ANKRD6: variants seen among roughly 807,000 people sequenced by gnomAD.
The protein encoded by ANKRD6 is ankyrin repeat domain-containing protein 6.
Under a neutral mutation model 82.3 loss-of-function variants are expected in ANKRD6, and 56 were observed. The observed-to-expected ratio is 0.68, with a 90% CI of 0.55 to 0.85. The LOEUF is 0.85. Ranked by LOEUF, ANKRD6 falls within the 40% of genes least tolerant of loss-of-function variation. The probability of loss-of-function intolerance (pLI) is 0.00; values close to 1 mark genes in which losing one functional copy is unlikely to be tolerated. For missense variants in ANKRD6, 852 were observed against 907.6 expected (o/e 0.94, Z 0.79); for synonymous variants, 347 against 352.1 (o/e 0.99, Z 0.16).
rs940506735 is a variant in ANKRD6, at chr6:89,503,182, T to C, written c.-143-63652T>C. ...TGATGAGCTTTTTGCATTAGGCTAG[T>C]GGGTGGGTCTGATGCTTTTTGGCTG... On this transcript the variant is annotated intron_variant, in intron 1 of 15. Coordinates refer to ENST00000339746, the MANE Select transcript of ANKRD6 (RefSeq NM_001242809.2). 1.6e-4 allele frequency among the ~76,000 whole-genome samples: 24 copies of C among 152,186 alleles called. No homozygotes were observed. The South Asian group carries it at 5.0e-3, about 32-fold the overall frequency.
chr6:89,596,440 A>C (rs975428145), intron 3 of ANKRD6, among the ~76,000 whole-genome samples: 1 of 152,086 alleles, frequency 6.6e-6, no homozygotes, highest in Non-Finnish European at 1.5e-5. Context: ...TAAAAACTTA[A>C]TTTTTTTCTC....
intron 1 of ANKRD6, among the ~76,000 whole-genome samples, chr6:89,435,852 A>G (rs1770576128): frequency 6.6e-6 from 1 of 152,232 alleles, no homozygotes; most frequent in Admixed American, 6.5e-5. Flanking sequence ...AAATGGTTTT[A>G]ACAACCCAAA....
At chr6:89,627,759 G>A in intron 14 of ANKRD6, 63 bp downstream of exon 14, 1 of 1,489,288 alleles carries the variant, frequency 6.7e-7, no homozygotes, top group Non-Finnish European at 9.3e-7. Flanking sequence ...CTGAGCTCAG[G>A]CAGGCCTGCC....
chr6:89,512,324 G>T (rs1780650919), intron 1 of ANKRD6, among the ~76,000 whole-genome samples: 1 of 152,232 alleles, frequency 6.6e-6, no homozygotes, highest in Non-Finnish European at 1.5e-5. Context: ...CAGTAGAGAG[G>T]TTGGGTCTCC....
intron 8 of ANKRD6, among the ~76,000 whole-genome samples, chr6:89,617,314 T>A (rs761981663): frequency 2.0e-5 from 3 of 152,132 alleles, no homozygotes; most frequent in Non-Finnish European, 4.4e-5. Context: ...CTAGCTCCCC[T>A]CTTTCTCCTC....
At chr6:89,535,909 C>T (rs1783764513) in intron 1 of ANKRD6, among the ~76,000 whole-genome samples, 3 of 152,164 alleles carry the variant, frequency 2.0e-5, no homozygotes, top group Admixed American at 2.0e-4. Flanking sequence ...AGGGCCAATC[C>T]CTTGGGTTGT....
intron 13 of ANKRD6, 150 bp downstream of exon 13, chr6:89,624,841 T>C: frequency 1.2e-6 from 1 of 834,220 alleles, no homozygotes; most frequent in Non-Finnish European, 1.8e-6. Context: ...GTGATTTTGT[T>C]AAAGTACATT....
At position 89,434,294 on chromosome 6, in the gene ANKRD6, CTT is replaced by C. The variant is rs1435577757; in HGVS notation, c.-144+920_-144+921del. Among the ~76,000 whole-genome samples the C allele has an allele frequency of 2.0e-5, 3 of 152,308 alleles. No individual in the cohort carries two copies. The South Asian group carries it at 6.2e-4, about 32-fold the overall frequency. ...GGAATGAAATGCTTGGCATTGTACT[CTT>C]GTGTGTTAGACACCTTTTGCGAACC... On this transcript the variant is annotated intron_variant, in intron 1 of 15. Transcript: ENST00000339746.
At chr6:89,569,621 T>A (rs1789329378) in intron 2 of ANKRD6, among the ~76,000 whole-genome samples, 3 of 152,234 alleles carry the variant, frequency 2.0e-5, no homozygotes, top group Non-Finnish European at 2.9e-5. Context: ...AGGAGTGGAA[T>A]TGCTGGGTCG....
intron 9 of ANKRD6, 35 bp from the exon 10 acceptor site, chr6:89,621,886 AC>A: frequency 6.3e-7 from 1 of 1,592,766 alleles, no homozygotes; most frequent in East Asian, 2.2e-5. Flanking sequence ...TGCTGCGCAC[AC>A]CAGTGGTTGT....
chr6:89,563,335 C>T (rs1319459251), intron 1 of ANKRD6, among the ~76,000 whole-genome samples: 1 of 152,074 alleles, frequency 6.6e-6, no homozygotes, highest in Non-Finnish European at 1.5e-5. Context: ...AAGCTAAATC[C>T]CTATCTAGAT....
At chr6:89,566,073 G>A (rs1387750540) in intron 1 of ANKRD6, among the ~76,000 whole-genome samples, 7 of 152,184 alleles carry the variant, frequency 4.6e-5, no homozygotes, top group Non-Finnish European at 8.8e-5. Context: ...ACTGCTCTGC[G>A]ACAGGGCTTT....
intron 1 of ANKRD6, among the ~76,000 whole-genome samples, chr6:89,493,596 A>G (rs1339416582): frequency 2.6e-5 from 4 of 151,790 alleles, no homozygotes; most frequent in Non-Finnish European, 5.9e-5. Flanking sequence ...TTTTTTTTGT[A>G]AAGACAGGGC....
At chr6:89,500,531 T>C (rs1779149054) in intron 1 of ANKRD6, among the ~76,000 whole-genome samples, 1 of 152,192 alleles carries the variant, frequency 6.6e-6, no homozygotes, top group African/African-American at 2.4e-5. Flanking sequence ...AAAAAACGAA[T>C]AGTAACTGGA....
intron 14 of ANKRD6, 102 bp downstream of exon 14, chr6:89,627,798 A>G (rs1455226631): frequency 1.1e-6 from 1 of 900,598 alleles, no homozygotes; most frequent in East Asian, 2.6e-5. Context: ...GAGACTCCCT[A>G]AGAGCTTTTA....
At chr6:89,620,942 G>A (rs931077361) in intron 9 of ANKRD6, among the ~76,000 whole-genome samples, 1 of 151,976 alleles carries the variant, frequency 6.6e-6, no homozygotes, top group Non-Finnish European at 1.5e-5. Context: ...GGTGGCGGGC[G>A]CCTGTAGTCC....
chr6:89,476,748 A>G (rs939648140), intron 1 of ANKRD6, among the ~76,000 whole-genome samples: 1 of 152,238 alleles, frequency 6.6e-6, no homozygotes, highest in Admixed American at 6.5e-5. Flanking sequence ...ATAGGATGAC[A>G]CATACAAATT....
chr6:89,444,211 G>A (rs763707463), intron 1 of ANKRD6, among the ~76,000 whole-genome samples: 1 of 152,210 alleles, frequency 6.6e-6, no homozygotes, highest in Non-Finnish European at 1.5e-5. Flanking sequence ...ACTATCCTGA[G>A]TTACAGAATA....
At chr6:89,622,074 G>A in intron 10 of ANKRD6, 48 bp downstream of exon 10, 1 of 1,561,880 alleles carries the variant, frequency 6.4e-7, no homozygotes, top group Non-Finnish European at 8.8e-7. Flanking sequence ...ATGCTCAGAG[G>A]GTGGGAAACT....
Sources: gnomAD v4.1 joint callset for allele counts (sites outside exome capture counted in the v4.1 genomes callset) on GRCh38, gnomAD v4.1.1 for gene constraint, MANE v1.5 for transcripts, NCBI Gene and HGNC (gene_info 2026-07-23, HGNC 2026-07-21) for gene names.